Variants in GRIA3 observed in about 807,000 individuals in gnomAD.
The protein encoded by GRIA3 is glutamate receptor 3.
Under a neutral mutation model 63.0 loss-of-function variants are expected in GRIA3, and 3 were observed. The ratio of observed to expected loss-of-function variants is 0.05; its 90% CI spans 0.02 to 0.12. The LOEUF is 0.12. Ranked by LOEUF, GRIA3 falls within the 10% of genes least tolerant of loss-of-function variation. The pLI is 1.00. For synonymous variants in GRIA3, 274 were observed against 257.9 expected, an observed-to-expected ratio of 1.06 and a Z score of -0.60; for missense variants, 347 against 700.9, an observed-to-expected ratio of 0.50 and a Z score of 5.70.
chrX:123,473,573 T>C (rs142675077), intron 13 of GRIA3, among the ~76,000 whole-genome samples: 1,261 of 111,319 alleles, frequency 0.011, 24 homozygotes, highest in African/African-American at 0.039. Context: ...TTTGCCATCA[T>C]GAAAACCTGA....
intron 3 of GRIA3, among the ~76,000 whole-genome samples, chrX:123,266,494 C>T (rs1199575217): frequency 2.7e-5 from 3 of 111,365 alleles, no homozygotes; most frequent in Non-Finnish European, 5.7e-5. Flanking sequence ...CCTTCGTCTA[C>T]GTTTCCACTG....
intron 3 of GRIA3, among the ~76,000 whole-genome samples, chrX:123,272,209 A>G (rs760793568): frequency 9.0e-6 from 1 of 111,250 alleles, no homozygotes; most frequent in South Asian, 3.9e-4. Context: ...CCTTCCTCCT[A>G]TGGGGAGCCT....
At chrX:123,383,571 A>T (rs1244092415) in intron 5 of GRIA3, among the ~76,000 whole-genome samples, 1 of 111,707 alleles carries the variant, frequency 9.0e-6, no homozygotes, top group Non-Finnish European at 1.9e-5. Context: ...CACTTAACAT[A>T]ATGACCTCCA....
At chrX:123,342,132 G>T (rs1191373568) in intron 4 of GRIA3, among the ~76,000 whole-genome samples, 1 of 112,262 alleles carries the variant, frequency 8.9e-6, no homozygotes, top group South Asian at 3.7e-4. Flanking sequence ...TGGAAAGACA[G>T]CAATGAAATT....
chrX:123,462,219 T>C (rs983598838), intron 12 of GRIA3, among the ~76,000 whole-genome samples: 3 of 111,683 alleles, frequency 2.7e-5, no homozygotes, highest in African/African-American at 9.8e-5. Flanking sequence ...CTATTCTCCA[T>C]ATGGCAGTGA....
chrX:123,203,226 T>C (rs758915104), intron 2 of GRIA3, among the ~76,000 whole-genome samples: 10 of 111,681 alleles, frequency 9.0e-5, no homozygotes, highest in African/African-American at 3.3e-4. Flanking sequence ...TTAGGGCTGC[T>C]TGGCTCAAAC....
intron 2 of GRIA3, among the ~76,000 whole-genome samples, chrX:123,245,973 A>G (rs1301235970): frequency 6.3e-5 from 7 of 111,233 alleles, no homozygotes; most frequent in Non-Finnish European, 1.1e-4. Context: ...ATTAGGTTCA[A>G]TTTAAGGACG....
intron 4 of GRIA3, among the ~76,000 whole-genome samples, chrX:123,343,943 C>A (rs73229285): frequency 0.048 from 5,334 of 110,554 alleles, 148 homozygotes; most frequent in Non-Finnish European, 0.071. Context: ...TGCAGTTGTT[C>A]TGTTAGGAAT....
chrX:123,393,563 A>G (rs2045397619), intron 5 of GRIA3, among the ~76,000 whole-genome samples: 1 of 112,271 alleles, frequency 8.9e-6, no homozygotes, highest in South Asian at 3.7e-4. Context: ...CTGTAAACAA[A>G]CACTGAATTT....
At chrX:123,384,539 C>T (rs6608081) in intron 5 of GRIA3, among the ~76,000 whole-genome samples, 56,676 of 110,595 alleles carry the variant, frequency 0.51, 10,943 homozygotes, top group East Asian at 0.62. Context: ...GCAGGGGAAT[C>T]ACTTGAACCC....
At chrX:123,297,308 C>T (rs1005460492) in intron 3 of GRIA3, among the ~76,000 whole-genome samples, 2 of 111,990 alleles carry the variant, frequency 1.8e-5, no homozygotes, top group South Asian at 7.4e-4. Context: ...TCTTGAACCC[C>T]TATGGGTTTA....
At chrX:123,427,570 G>A (rs771964987) in intron 11 of GRIA3, among the ~76,000 whole-genome samples, 14 of 111,435 alleles carry the variant, frequency 1.3e-4, no homozygotes, top group Non-Finnish European at 2.3e-4. Flanking sequence ...GAAAAATCCT[G>A]CTAGGAGTGC....
At chrX:123,277,143 G>A (rs1210604690) in intron 3 of GRIA3, among the ~76,000 whole-genome samples, 1 of 108,720 alleles carries the variant, frequency 9.2e-6, no homozygotes, top group Non-Finnish European at 1.9e-5. Flanking sequence ...TGAGTACATT[G>A]TAGGTGTATT....
intron 3 of GRIA3, among the ~76,000 whole-genome samples, chrX:123,303,960 G>A (rs750980940): frequency 3.9e-4 from 43 of 111,170 alleles, no homozygotes; most frequent in African/African-American, 1.2e-3. Context: ...AAAGGAGCGG[G>A]TGATATCAGG....
At chrX:123,402,578 G>T (rs924543782) in intron 7 of GRIA3, among the ~76,000 whole-genome samples, 1 of 110,651 alleles carries the variant, frequency 9.0e-6, no homozygotes, top group Non-Finnish European at 1.9e-5. Context: ...TGCCCATGCT[G>T]CTGAAACCAG....
intron 12 of GRIA3, among the ~76,000 whole-genome samples, chrX:123,433,242 A>G (rs1366494622): frequency 1.8e-5 from 2 of 112,000 alleles, no homozygotes; most frequent in Admixed American, 9.5e-5. Flanking sequence ...GCATAAAGAC[A>G]CATATTAAAA....
At chrX:123,382,791 G>A (rs907150785) in intron 5 of GRIA3, among the ~76,000 whole-genome samples, 8 of 112,067 alleles carry the variant, frequency 7.1e-5, no homozygotes, top group African/African-American at 2.3e-4. Flanking sequence ...TGAGATTTGG[G>A]GGACCCTTTC....
chrX:123,483,096 ATC>A (rs1466982074), intron 15 of GRIA3, 50 bp downstream of exon 15: 1 of 1,051,826 alleles, frequency 9.5e-7, no homozygotes, highest in East Asian at 3.0e-5. Context: ...CTGTATGTCA[ATC>A]TCTTTTTTTC....
In GRIA3 at chrX:123,184,333, A is replaced by T. The variant is rs1927181456; in HGVS notation, c.-203A>T. ...GCGAGCGAATAAGAGAGAGAGTAAG[A>T]GGGAGAGAGAAGAAGAGGAAGAAGA... On this transcript the variant is annotated 5_prime_UTR_variant, in exon 1 of 16. Transcript: ENST00000620443. The T allele has an allele frequency of 1.5e-5, 7 of 454,898 alleles. No individual in the cohort carries two copies. The East Asian group carries it at 2.7e-4, about 17-fold the overall frequency. The allele number at this position is 454,898 out of a possible 1,213,427, so 37.5% of individuals were successfully genotyped here.
Sources: gnomAD v4.1 joint callset for allele counts (sites outside exome capture counted in the v4.1 genomes callset) on GRCh38, gnomAD v4.1.1 for gene constraint, MANE v1.5 for transcripts, NCBI Gene and HGNC (gene_info 2026-07-23, HGNC 2026-07-21) for gene names.